The following FAM135B variants were observed in gnomAD, a reference collection of about 807,000 sequenced individuals.
FAM135B encodes protein FAM135B.
Under a neutral mutation model 127.7 loss-of-function variants are expected in FAM135B, and 43 were observed. The observed-to-expected ratio is 0.34, with a 90% CI of 0.26 to 0.43. The LOEUF (loss-of-function observed/expected upper bound fraction) is 0.43. FAM135B is among the 20% of genes least tolerant of loss of function. The pLI is 1.00. For synonymous variants in FAM135B, 670 were observed against 665.1 expected (o/e 1.01, Z -0.11); for missense variants, 1,558 against 1,725.6 (o/e 0.90, Z 1.72).
chr8:138,180,135 C>T (rs549312505), intron 9 of FAM135B, among the ~76,000 whole-genome samples: 5 of 152,236 alleles, frequency 3.3e-5, no homozygotes, highest in East Asian at 1.9e-4. Flanking sequence ...GGGAGTAACT[C>T]GAATTCTGGA....
chr8:138,377,159 T>C (rs1287278650), intron 1 of FAM135B, among the ~76,000 whole-genome samples: 2 of 152,118 alleles, frequency 1.3e-5, no homozygotes, highest in Non-Finnish European at 2.9e-5. Context: ...ATCTTCAGAG[T>C]ATATGGTCTT....
At chr8:138,268,389 T>TTTGGTG (rs1823109336) in intron 3 of FAM135B, among the ~76,000 whole-genome samples, 1 of 152,188 alleles carries the variant, frequency 6.6e-6, no homozygotes, top group Non-Finnish European at 1.5e-5. Flanking sequence ...AATGGGTATT[T>TTTGGTG]ACTGAAAGTC....
intron 2 of FAM135B, among the ~76,000 whole-genome samples, chr8:138,319,558 G>A (rs1206653135): frequency 6.6e-6 from 1 of 152,228 alleles, no homozygotes; most frequent in Non-Finnish European, 1.5e-5. Context: ...GGGGAAAGAA[G>A]CTAGGATGTG....
chr8:138,235,121 A>G (rs7837537), intron 7 of FAM135B, among the ~76,000 whole-genome samples: 16,571 of 152,192 alleles, frequency 0.11, 1,535 homozygotes, highest in East Asian at 0.26. Context: ...TGTGCCTATT[A>G]TGTCTGATGG....
Position 138,153,016 on chromosome 8 carries a change from C to T in FAM135B, c.1459G>A (p.Ala487Thr), listed in dbSNP as rs1818327487. ...CACATGTCCATATGATTTTGTGTGG[C>T]CACATTCTCACCTGGCTCTGGACAC... ...IRCPEPGENV[A>T]TQNHMDMCSE... The change falls in exon 13 of 20, where the codon GCC becomes ACC. Residue 487 changes from alanine to threonine, a missense_variant. Transcript: ENST00000395297. 1.2e-6 allele frequency: 2 copies of T among 1,614,166 alleles called. No individual in the cohort carries two copies. Among genetic ancestry groups the T allele is most frequent in the South Asian group, 1.1e-5 (1 of 91,086 alleles).
At position 138,184,124 on chromosome 8, in the gene FAM135B, C is replaced by T. The variant is rs534985989; in HGVS notation, c.874-5434G>A. 1.8e-4 allele frequency among the ~76,000 whole-genome samples: 27 copies of T among 152,248 alleles called. No homozygotes were observed. In the South Asian group the frequency reaches 5.6e-3, roughly 32 times the overall value. On this transcript the variant is annotated intron_variant, in intron 9 of 19. Coordinates refer to ENST00000395297, the MANE Select transcript of FAM135B (RefSeq NM_015912.4). ...CAGCCTTTGGTTTGGGCTTTGCAGG[C>T]TGATGAGGATTGTGTCAGGAATAAA... is the stretch of plus-strand genomic sequence containing the variant.
chr8:138,401,617 A>G (rs1274878330), intron 1 of FAM135B, among the ~76,000 whole-genome samples: 1 of 152,214 alleles, frequency 6.6e-6, no homozygotes, highest in Non-Finnish European at 1.5e-5. Flanking sequence ...ACAAATAAGA[A>G]AGAAAAATGG....
rs2131618562 is a variant in FAM135B at position 138,461,713 on chromosome 8, T to C, written c.-20+34958A>G. Among the ~76,000 whole-genome samples the C allele has an allele frequency of 3.9e-5, 6 of 152,332 alleles. No homozygotes were observed. The Middle Eastern group carries it at 0.02, about 518-fold the overall frequency. ...GAAGCTCAGACGTCAGTAGTCTATG[T>C]AAATCATCCTAGGACCTCACAGACA... On this transcript the variant is annotated intron_variant, in intron 1 of 19. Coordinates refer to ENST00000395297, the MANE Select transcript of FAM135B (RefSeq NM_015912.4).
chr8:138,268,087 G>A (rs567464909), intron 3 of FAM135B, among the ~76,000 whole-genome samples: 1 of 152,248 alleles, frequency 6.6e-6, no homozygotes, highest in South Asian at 2.1e-4. Flanking sequence ...TCAATCACTT[G>A]CTGTCTTGGG....
At chr8:138,336,649 T>C (rs904107959) in intron 2 of FAM135B, among the ~76,000 whole-genome samples, 6 of 152,106 alleles carry the variant, frequency 3.9e-5, no homozygotes, top group Non-Finnish European at 5.9e-5. Flanking sequence ...CAGGACCAGA[T>C]GGATTCACAG....
chr8:138,282,958 T>C (rs575174536), intron 3 of FAM135B, among the ~76,000 whole-genome samples: 20 of 152,250 alleles, frequency 1.3e-4, no homozygotes, highest in South Asian at 1.2e-3. Context: ...TACAGTGCAG[T>C]GGTGTGATCT....
intron 7 of FAM135B, among the ~76,000 whole-genome samples, chr8:138,198,414 G>T (rs938267646): frequency 7.9e-5 from 12 of 152,112 alleles, no homozygotes; most frequent in African/African-American, 2.9e-4. Flanking sequence ...ACTACTGCAG[G>T]GTGCACTATA....
chr8:138,342,193 A>C (rs1319773429), intron 2 of FAM135B, among the ~76,000 whole-genome samples: 2 of 152,248 alleles, frequency 1.3e-5, no homozygotes, highest in Non-Finnish European at 2.9e-5. Context: ...CAAAGAGATT[A>C]AACCAACCCT....
At chr8:138,246,559 T>C (rs1212876405) in intron 6 of FAM135B, among the ~76,000 whole-genome samples, 1 of 152,196 alleles carries the variant, frequency 6.6e-6, no homozygotes, top group Non-Finnish European at 1.5e-5. Flanking sequence ...GGAATCCACC[T>C]AGATTTCAGA....
chr8:138,434,015 A>G (rs751762863), intron 1 of FAM135B, among the ~76,000 whole-genome samples: 89 of 152,342 alleles, frequency 5.8e-4, no homozygotes, highest in African/African-American at 2.0e-3. Flanking sequence ...TTATGCCACT[A>G]TTACTAAATA....
chr8:138,466,772 C>T (rs981934158), intron 1 of FAM135B, among the ~76,000 whole-genome samples: 5 of 152,298 alleles, frequency 3.3e-5, no homozygotes, highest in East Asian at 3.9e-4. Context: ...ATTTACTTCA[C>T]GTCTAGTTCA....
In FAM135B at chr8:138,335,070, G is replaced by T. The variant is rs564249409; in HGVS notation, c.78-24150C>A. On this transcript the variant is annotated intron_variant, in intron 2 of 19. Transcript: ENST00000395297. ...ATTTTTTCTTATTCTGCATTTTCTA[G>T]TTTGTTTAAATGAGTATACTGTGAT... 1.2e-4 allele frequency among the ~76,000 whole-genome samples: 18 copies of T among 152,224 alleles called. No homozygotes were observed. The East Asian group carries it at 3.5e-3, about 29-fold the overall frequency.
intron 3 of FAM135B, among the ~76,000 whole-genome samples, chr8:138,280,042 C>G (rs1455590260): frequency 5.3e-5 from 8 of 152,142 alleles, no homozygotes; most frequent in African/African-American, 1.7e-4. Context: ...AAACGCATTT[C>G]ACAAATAGGA....
intron 8 of FAM135B, among the ~76,000 whole-genome samples, chr8:138,195,965 C>A (rs917438846): frequency 1.3e-5 from 2 of 152,128 alleles, no homozygotes. Context: ...GGAAACAATC[C>A]CTTAGCAGCT....
Sources: allele counts gnomAD v4.1 joint callset (sites outside exome capture counted in the v4.1 genomes callset), GRCh38; gene constraint gnomAD v4.1.1; transcripts MANE v1.5; gene names NCBI Gene and HGNC (gene_info 2026-07-23, HGNC 2026-07-21).